The following DAAM1 variants were observed in gnomAD, a reference collection of about 807,000 sequenced individuals.
The protein encoded by DAAM1 is disheveled-associated activator of morphogenesis 1.
Under a neutral mutation model 130.0 loss-of-function variants are expected in DAAM1, and 52 were observed. The observed-to-expected ratio is 0.40, with a 90% confidence interval of 0.32 to 0.50. The LOEUF (loss-of-function observed/expected upper bound fraction) is 0.50. Ranked by LOEUF, DAAM1 falls within the 20% of genes least tolerant of loss-of-function variation. DAAM1 has a pLI of 0.61. For missense variants in DAAM1, 1,134 were observed against 1,303.8 expected, an observed-to-expected ratio of 0.87 and a Z score of 2.01; for synonymous variants, 452 against 444.5, an observed-to-expected ratio of 1.02 and a Z score of -0.21.
At chr14:59,293,041 A>G (rs998325935) in intron 3 of DAAM1, among the ~76,000 whole-genome samples, 2 of 152,242 alleles carry the variant, frequency 1.3e-5, no homozygotes, top group South Asian at 2.1e-4. Flanking sequence ...TCACACTGCC[A>G]TCTTAAAAAT....
chr14:59,316,390 G>A (rs1384113378), intron 4 of DAAM1, among the ~76,000 whole-genome samples: 1 of 152,132 alleles, frequency 6.6e-6, no homozygotes, highest in Non-Finnish European at 1.5e-5. Flanking sequence ...TAAACTTTTA[G>A]AGGTCTTGAC....
In DAAM1 at chr14:59,322,873, G is replaced by A; in HGVS notation, c.441-19G>A. On this transcript the variant is annotated intron_variant, in intron 5 of 24. Transcript: ENST00000360909. ...AAACCCAAAGGCACTTAAGCATGGT[G>A]CATTTCTCTTCATGACAGGTTTGTA... is the stretch of plus-strand genomic sequence containing the variant. 1 of 1,589,540 alleles carries A rather than the reference G, an allele frequency of 6.3e-7. No homozygotes were observed. Among genetic ancestry groups the A allele is most frequent in the Non-Finnish European group, 8.6e-7 (1 of 1,164,098 alleles).
At chr14:59,198,447 G>C (rs567160451) in intron 1 of DAAM1, among the ~76,000 whole-genome samples, 1 of 151,800 alleles carries the variant, frequency 6.6e-6, no homozygotes, top group South Asian at 2.1e-4. Context: ...CTTGTGATCC[G>C]CCTGAACTCC....
intron 3 of DAAM1, among the ~76,000 whole-genome samples, chr14:59,296,517 G>A (rs534327121): frequency 1.3e-5 from 2 of 152,300 alleles, no homozygotes; most frequent in South Asian, 2.1e-4. Flanking sequence ...CCTGGTAGGA[G>A]AAGCAGATAG....
At chr14:59,292,388 T>A (rs933775125) in intron 3 of DAAM1, among the ~76,000 whole-genome samples, 8 of 152,198 alleles carry the variant, frequency 5.3e-5, no homozygotes, top group African/African-American at 1.9e-4. Context: ...TCTCAGCACA[T>A]CTGCCCCCCT....
chr14:59,322,514 A>G (rs920588492), intron 5 of DAAM1, among the ~76,000 whole-genome samples: 4 of 142,376 alleles, frequency 2.8e-5, no homozygotes, highest in African/African-American at 1.1e-4. Context: ...AAAAAAAAAA[A>G]GGATTGGGGT....
rs139013720 is a variant in DAAM1 at position 59,367,759 on chromosome 14, C to A, written c.2997+160C>A. Among the ~76,000 whole-genome samples, 180 of 151,998 alleles carry A rather than the reference C, an allele frequency of 1.2e-3. 5 individuals are homozygous for A. In the South Asian group the frequency reaches 0.026, roughly 22 times the overall value. On this transcript the variant is annotated intron_variant, in intron 24 of 24. Coordinates refer to ENST00000360909, the MANE Select transcript of DAAM1 (RefSeq NM_001270520.2). ...TTACATTGGTGTTGTTTCTCTTGGG[C>A]TATTTAACAGTGTATATTCAAAGCC...
At chr14:59,225,376 C>A (rs1888910356) in intron 1 of DAAM1, among the ~76,000 whole-genome samples, 1 of 152,182 alleles carries the variant, frequency 6.6e-6, no homozygotes, top group Non-Finnish European at 1.5e-5. Flanking sequence ...TTTGTTGTAG[C>A]AGCCTTAATT....
intron 1 of DAAM1, among the ~76,000 whole-genome samples, chr14:59,201,634 C>A (rs535552883): frequency 2.6e-5 from 4 of 151,932 alleles, no homozygotes; most frequent in East Asian, 3.9e-4. Flanking sequence ...GCCTCACCCC[C>A]CTTCTAAAAA....
rs566777651 is a variant in DAAM1, at chr14:59,189,870, CAT to C, written c.-38+1105_-38+1106del. Among the ~76,000 whole-genome samples, 284 of 152,294 alleles carry C rather than the reference CAT, an allele frequency of 1.9e-3. 1 individual carries two copies. The highest frequency in any genetic ancestry group is 6.4e-3 in the African/African-American group (264 of 41,564). ...TGCGGAGCTACCTCTCGCCCCATAA[CAT>C]ATTTAGTGATGCCTGAACTCCATTC... On this transcript the variant is annotated intron_variant, in intron 1 of 24. Transcript: ENST00000360909.
intron 1 of DAAM1, among the ~76,000 whole-genome samples, chr14:59,199,067 T>C (rs529947397): frequency 5.9e-5 from 9 of 152,314 alleles, no homozygotes; most frequent in Admixed American, 5.2e-4. Flanking sequence ...CTCCGATTTT[T>C]CGCCCCCAGT....
intron 1 of DAAM1, among the ~76,000 whole-genome samples, chr14:59,198,328 C>T (rs1887977148): frequency 6.6e-6 from 1 of 151,854 alleles, no homozygotes; most frequent in African/African-American, 2.4e-5. Context: ...GCCTCAGCCT[C>T]CCAAGTAGCT....
At chr14:59,294,249 C>T (rs1221196641) in intron 3 of DAAM1, among the ~76,000 whole-genome samples, 3 of 152,222 alleles carry the variant, frequency 2.0e-5, no homozygotes, top group Admixed American at 2.0e-4. Flanking sequence ...TGGCTCAGCC[C>T]AGTGTCTGTT....
chr14:59,251,622 A>G (rs957645503), intron 1 of DAAM1, among the ~76,000 whole-genome samples: 3 of 152,152 alleles, frequency 2.0e-5, no homozygotes, highest in African/African-American at 7.2e-5. Flanking sequence ...GCCTTTAATC[A>G]TCAGAGAAGA....
chr14:59,271,584 ATC>A (rs1233007556), intron 2 of DAAM1, among the ~76,000 whole-genome samples: 1 of 152,086 alleles, frequency 6.6e-6, no homozygotes, highest in Non-Finnish European at 1.5e-5. Context: ...TACATCAATA[ATC>A]TCTTCATTTT....
intron 17 of DAAM1, among the ~76,000 whole-genome samples, chr14:59,351,667 C>G (rs1438761275): frequency 6.6e-6 from 1 of 151,906 alleles, no homozygotes. Context: ...TTAAATCCAA[C>G]AAACATTTGA....
At chr14:59,325,807 C>T in intron 9 of DAAM1, 77 bp downstream of exon 9, 1 of 1,570,838 alleles carries the variant, frequency 6.4e-7, no homozygotes, top group Non-Finnish European at 8.7e-7. Context: ...TTGTAGAGTC[C>T]ACATGGACTT....
chr14:59,328,469 T>C (rs1295049284), intron 12 of DAAM1, among the ~76,000 whole-genome samples: 1 of 152,196 alleles, frequency 6.6e-6, no homozygotes, highest in Non-Finnish European at 1.5e-5. Context: ...ATGTAAGCTT[T>C]CGAGTCATTC....
intron 16 of DAAM1, among the ~76,000 whole-genome samples, chr14:59,341,827 T>G (rs1169405331): frequency 1.3e-5 from 2 of 152,248 alleles, no homozygotes; most frequent in Non-Finnish European, 2.9e-5. Context: ...CTATATTTTA[T>G]GCTTGTGCCA....
Sources: gnomAD v4.1 joint callset for allele counts (sites outside exome capture counted in the v4.1 genomes callset) on GRCh38, gnomAD v4.1.1 for gene constraint, MANE v1.5 for transcripts, NCBI Gene and HGNC (gene_info 2026-07-23, HGNC 2026-07-21) for gene names.